The following POR variants were observed in gnomAD, a reference collection of about 807,000 sequenced individuals.
POR encodes cytochrome p450 oxidoreductase, also known as NADPH--cytochrome P450 reductase.
In POR, 56 loss-of-function variants were observed where a neutral mutation model predicts 84.0. That is an observed-to-expected ratio of 0.67 (90% CI 0.54 to 0.83). The LOEUF is 0.83. POR is among the 40% of genes least tolerant of loss of function. The pLI, the probability that POR is intolerant of heterozygous loss-of-function variation, is 0.00. For missense variants in POR, 938 were observed against 944.3 expected, an observed-to-expected ratio of 0.99 and a Z score of 0.09; for synonymous variants, 414 against 400.5, an observed-to-expected ratio of 1.03 and a Z score of -0.40.
At chr7:75,918,263 G>A (rs1403525046) in intron 1 of POR, among the ~76,000 whole-genome samples, 1 of 152,142 alleles carries the variant, frequency 6.6e-6, no homozygotes, top group African/African-American at 2.4e-5. Context: ...CCGAGATCGT[G>A]CTGCTGCACT....
chr7:75,985,440 G>C, intron 12 of POR, 139 bp from the exon 13 acceptor site: 2 of 1,192,418 alleles, frequency 1.7e-6, no homozygotes, highest in Middle Eastern at 2.9e-4. Context: ...CCGCTGGGGA[G>C]GGGGCCTCTG....
At chr7:75,930,247 G>A (rs1316443342) in intron 1 of POR, among the ~76,000 whole-genome samples, 1 of 152,112 alleles carries the variant, frequency 6.6e-6, no homozygotes, top group Non-Finnish European at 1.5e-5. Context: ...GTGTAGACTA[G>A]GCAGGCCTTT....
intron 3 of POR, among the ~76,000 whole-genome samples, chr7:75,979,085 C>CTGTGCTGGGATCAAGGTG (rs1788849458): frequency 1.3e-5 from 2 of 152,354 alleles, no homozygotes; most frequent in South Asian, 4.1e-4. Flanking sequence ...GTGTGAGCCA[C>CTGTGCTGGGATCAAGGTG]CACGCCCGGC....
chr7:75,958,807 C>T (rs548427188), intron 2 of POR, among the ~76,000 whole-genome samples: 66 of 114,688 alleles, frequency 5.8e-4, no homozygotes, highest in Non-Finnish European at 5.3e-4. Flanking sequence ...AGGGAGACCC[C>T]CACCCCCCCG....
At chr7:75,985,870 G>GA (rs782239158) in intron 13 of POR, 21 bp downstream of exon 13, 7 of 1,550,826 alleles carry the variant, frequency 4.5e-6, no homozygotes, top group Non-Finnish European at 4.4e-6. Flanking sequence ...TCCCATGGGG[G>GA]AGAGGGGGTG....
chr7:75,965,497 C>T (rs11760654), intron 2 of POR, among the ~76,000 whole-genome samples: 45,815 of 152,018 alleles, frequency 0.3, 7,869 homozygotes, highest in Non-Finnish European at 0.36. Flanking sequence ...GTCATGGCCA[C>T]CCCAGCCCAC....
chr7:75,928,565 A>G (rs1365344168), intron 1 of POR, among the ~76,000 whole-genome samples: 1 of 152,240 alleles, frequency 6.6e-6, no homozygotes, highest in Non-Finnish European at 1.5e-5. Context: ...GAAGTTGAAC[A>G]TTGAGATGGT....
intron 10 of POR, among the ~76,000 whole-genome samples, chr7:75,984,132 C>T (rs1309829970): frequency 6.6e-6 from 1 of 152,216 alleles, no homozygotes; most frequent in African/African-American, 2.4e-5. Context: ...AGCCCTGGCT[C>T]CCCCATGGCC....
intron 1 of POR, among the ~76,000 whole-genome samples, chr7:75,941,845 C>T (rs945961302): frequency 7.9e-5 from 12 of 151,564 alleles, no homozygotes; most frequent in Admixed American, 3.3e-4. Context: ...AAAAGAAATT[C>T]GAGTAATAAC....
chr7:75,931,865 C>T (rs1807438250), intron 1 of POR, among the ~76,000 whole-genome samples: 1 of 152,168 alleles, frequency 6.6e-6, no homozygotes, highest in African/African-American at 2.4e-5. Context: ...GTGTCTTCCA[C>T]CAGAAAAGCT....
At chr7:75,965,000 G>A (rs570127848) in intron 2 of POR, among the ~76,000 whole-genome samples, 1 of 151,966 alleles carries the variant, frequency 6.6e-6, no homozygotes, top group African/African-American at 2.4e-5. Context: ...CTGGGCAACG[G>A]AGCGAACCCC....
chr7:75,931,543 A>G (rs1807420415), intron 1 of POR, among the ~76,000 whole-genome samples: 1 of 151,572 alleles, frequency 6.6e-6, no homozygotes, highest in Non-Finnish European at 1.5e-5. Context: ...ATTTTTTTGT[A>G]TTTTTAGTAG....
At position 75,984,806 on chromosome 7, in the gene POR, T is replaced by G. The variant is rs1554558754; in HGVS notation, c.1096T>G (p.Cys366Gly). 4 of 1,612,596 alleles carry G rather than the reference T, an allele frequency of 2.5e-6. No individual in the cohort carries two copies. Among genetic ancestry groups the G allele is most frequent in the Non-Finnish European group, 3.4e-6 (4 of 1,179,778 alleles). ...GTCCAACAAGAAGCACCCATTCCCGTGCCCTACGTCCTACCGCACGGCCCT... is the reference window on the plus strand; with the variant it reads ...GTCCAACAAGAAGCACCCATTCCCGGGCCCTACGTCCTACCGCACGGCCCT... The change falls in exon 11 of 16, where the codon TGC (cysteine) becomes GGC (glycine). Residue 366 changes from cysteine to glycine, a missense_variant. Cys to Gly is a radical substitution (Grantham distance 159, BLOSUM62 -3). Coordinates refer to ENST00000461988, the MANE Select transcript of POR (RefSeq NM_000941.3).
intron 1 of POR, chr7:75,947,077 CCTT>C (rs1428064482): frequency 3.3e-5 from 5 of 152,202 alleles, no homozygotes; most frequent in Admixed American, 3.3e-4. Flanking sequence ...TTGCTGCATT[CCTT>C]CTTAGGATTT....
chr7:75,920,066 T>C (rs1464811241), intron 1 of POR, among the ~76,000 whole-genome samples: 4 of 134,926 alleles, frequency 3.0e-5, no homozygotes, highest in East Asian at 4.2e-4. Context: ...CTTTTTTTTT[T>C]TTTTTTTTTT....
At chr7:75,965,068 C>G (rs140062734) in intron 2 of POR, among the ~76,000 whole-genome samples, 76 of 152,228 alleles carry the variant, frequency 5.0e-4, no homozygotes, top group African/African-American at 1.7e-3. Flanking sequence ...ATGACGCTAA[C>G]AGGGAGCTGG....
intron 1 of POR, among the ~76,000 whole-genome samples, chr7:75,936,810 C>CTTATTA (rs1194971224): frequency 1.2e-4 from 18 of 148,526 alleles, no homozygotes; most frequent in African/African-American, 3.8e-4. Context: ...CTCTGTTTCT[C>CTTATTA]TTATTATTAT....
At chr7:75,961,631 C>T (rs1386408631) in intron 2 of POR, among the ~76,000 whole-genome samples, 3 of 152,194 alleles carry the variant, frequency 2.0e-5, no homozygotes, top group African/African-American at 4.8e-5. Context: ...TATTTCTTTC[C>T]GCTGCCCCCC....
At chr7:75,984,268 TGCCGAGTGGC>T (rs1233739366) in intron 10 of POR, among the ~76,000 whole-genome samples, 10 of 152,262 alleles carry the variant, frequency 6.6e-5, no homozygotes, top group African/African-American at 2.4e-4. Context: ...TGCACAGTGG[TGCCGAGTGGC>T]AGTAGCCATT....
Sources: gnomAD v4.1 joint callset for allele counts (sites outside exome capture counted in the v4.1 genomes callset) on GRCh38, gnomAD v4.1.1 for gene constraint, MANE v1.5 for transcripts, NCBI Gene and HGNC (gene_info 2026-07-23, HGNC 2026-07-21) for gene names.